The following ELOVL2 variants were observed in gnomAD, a reference collection of about 807,000 sequenced individuals.
The protein encoded by ELOVL2 is ELOVL fatty acid elongase 2, also known as very long chain fatty acid elongase 2.
A neutral mutation model predicts 37.7 loss-of-function variants in ELOVL2; 38 were observed. The ratio of observed to expected loss-of-function variants is 1.01; its 90% CI spans 0.78 to 1.32. The LOEUF is 1.32. Ranked by LOEUF, ELOVL2 falls within the 40% of genes most tolerant of loss-of-function variation. The pLI is 0.00. For missense variants in ELOVL2, 352 were observed against 363.6 expected, an observed-to-expected ratio of 0.97 and a Z score of 0.26; for synonymous variants, 115 against 122.3, an observed-to-expected ratio of 0.94 and a Z score of 0.40.
intron 1 of ELOVL2, among the ~76,000 whole-genome samples, chr6:11,013,168 G>GA (rs1195054451): frequency 2.6e-5 from 4 of 152,220 alleles, no homozygotes; most frequent in African/African-American, 9.6e-5. Flanking sequence ...ATCTGACAGA[G>GA]AGAACCACAG....
rs1782563862 is a variant in ELOVL2, at chr6:11,010,900, CAG to C, written c.4-93_4-92del. The C allele has an allele frequency of 4.1e-6, 4 of 983,878 alleles. No homozygotes were observed. The African/African-American group carries it at 6.6e-5, about 16-fold the overall frequency. The allele number at this position is 983,878 out of a possible 1,614,324, so 60.9% of individuals were successfully genotyped here. ...GCCACTACCAACAACATGTAACTGA[CAG>C]ACTTTCAAAGGGTCCCAGCTTCAAG... On this transcript the variant is annotated intron_variant, in intron 1 of 7. Coordinates refer to ENST00000354666, the MANE Select transcript of ELOVL2 (RefSeq NM_017770.4).
intron 1 of ELOVL2, among the ~76,000 whole-genome samples, chr6:11,033,235 T>C (rs3778167): frequency 0.55 from 83,022 of 151,992 alleles, 23,885 homozygotes; most frequent in East Asian, 0.91. Context: ...AGGCAATTTT[T>C]ACTATTTCCA....
intron 5 of ELOVL2, among the ~76,000 whole-genome samples, chr6:10,992,800 CAAAAA>C (rs1554110938): frequency 1.8e-5 from 2 of 111,124 alleles, no homozygotes; most frequent in Non-Finnish European, 3.5e-5. Flanking sequence ...AAAAACAAAA[CAAAAA>C]AAAACAAAAA....
At chr6:11,031,910 C>CT (rs1191482225) in intron 1 of ELOVL2, among the ~76,000 whole-genome samples, 2 of 152,124 alleles carry the variant, frequency 1.3e-5, no homozygotes, top group Non-Finnish European at 2.9e-5. Flanking sequence ...TCAAACAGTC[C>CT]TTTCCACACT....
chr6:10,998,099 C>T (rs1365575266), intron 4 of ELOVL2, among the ~76,000 whole-genome samples: 1 of 152,062 alleles, frequency 6.6e-6, no homozygotes, highest in East Asian at 1.9e-4. Flanking sequence ...GCCTTGCTCC[C>T]TCTCTTGCCA....
At chr6:11,043,404 A>AACACACACACACAC (rs34656289) in intron 1 of ELOVL2, 2,537 of 114,928 alleles carry the variant, frequency 0.022, 177 homozygotes, top group South Asian at 0.058. Flanking sequence ...GACACGGGTG[A>AACACACACACACAC]ACACACACAC....
intron 2 of ELOVL2, among the ~76,000 whole-genome samples, chr6:11,007,790 G>A (rs574025741): frequency 6.6e-6 from 1 of 152,228 alleles, no homozygotes; most frequent in Admixed American, 6.5e-5. Context: ...TCATACCCAC[G>A]TAGTGCTGAG....
At chr6:11,017,543 G>A (rs1782703562) in intron 1 of ELOVL2, among the ~76,000 whole-genome samples, 1 of 152,174 alleles carries the variant, frequency 6.6e-6, no homozygotes, top group Non-Finnish European at 1.5e-5. Context: ...GTGATAAAAG[G>A]ACTTTACAAA....
rs552743756 is a variant in ELOVL2 at position 11,019,321 on chromosome 6, T to A, written c.4-8512A>T. On this transcript the variant is annotated intron_variant, in intron 1 of 7. Coordinates refer to ENST00000354666, the MANE Select transcript of ELOVL2 (RefSeq NM_017770.4). ...AATATAGACATTTTTTCCCTCCAGG[T>A]TTAGTATATTTTAAAATTTTGGCAC... Among the ~76,000 whole-genome samples, 8 of 152,290 alleles carry A rather than the reference T, an allele frequency of 5.3e-5. No homozygotes were observed. The South Asian group carries it at 1.2e-3, about 24-fold the overall frequency.
chr6:11,042,542 A>G (rs75551127), intron 1 of ELOVL2, among the ~76,000 whole-genome samples: 2,625 of 152,020 alleles, frequency 0.017, 63 homozygotes, highest in African/African-American at 0.059. Context: ...CTTACTCACT[A>G]CAATTCCTAC....
chr6:11,028,532 AAAATT>A (rs1343102714), intron 1 of ELOVL2, among the ~76,000 whole-genome samples: 2 of 152,190 alleles, frequency 1.3e-5, no homozygotes, highest in African/African-American at 4.8e-5. Context: ...TATAAAGAAA[AAAATT>A]AAATTATCTC....
rs1182702657 is a variant in ELOVL2, at chr6:11,009,510, A to G, written c.67+1236T>C. Among the ~76,000 whole-genome samples, 4 of 152,170 alleles carry G rather than the reference A, an allele frequency of 2.6e-5. 1 individual carries two copies. The highest frequency in any genetic ancestry group is 4.1e-4 in the South Asian group (2 of 4,832). ...AAGGGGGGACTACTGTACCTTAGAG[A>G]GGCAAAGCCCAACTGAAAAGGCAAC... On this transcript the variant is annotated intron_variant, in intron 2 of 7. Coordinates refer to ENST00000354666, the MANE Select transcript of ELOVL2 (RefSeq NM_017770.4).
At chr6:11,037,222 G>C (rs1471591270) in intron 1 of ELOVL2, among the ~76,000 whole-genome samples, 5 of 146,428 alleles carry the variant, frequency 3.4e-5, no homozygotes, top group African/African-American at 7.5e-5. Context: ...AGAGGCAGAG[G>C]AGGAGAGAGA....
intron 5 of ELOVL2, among the ~76,000 whole-genome samples, chr6:10,992,163 A>ATTCTT (rs1485483470): frequency 6.6e-6 from 1 of 152,212 alleles, no homozygotes; most frequent in Non-Finnish European, 1.5e-5. Flanking sequence ...ACAGAGATCA[A>ATTCTT]TTCTTTCTTT....
chr6:11,005,599 T>G, intron 2 of ELOVL2, 40 bp from the exon 3 acceptor site: 1 of 1,552,096 alleles, frequency 6.4e-7, no homozygotes, highest in Non-Finnish European at 8.8e-7. Flanking sequence ...TGAGGAATGA[T>G]GCTCCTGTTT....
chr6:11,000,228 A>G (rs916272360), intron 3 of ELOVL2, 64 bp from the exon 4 acceptor site: 7 of 1,456,182 alleles, frequency 4.8e-6, no homozygotes, highest in Non-Finnish European at 6.7e-6. Context: ...TACAGACTGA[A>G]TTTCCCATTC....
chr6:11,013,158 A>AT (rs1782612258), intron 1 of ELOVL2, among the ~76,000 whole-genome samples: 1 of 152,218 alleles, frequency 6.6e-6, no homozygotes, highest in South Asian at 2.1e-4. Context: ...CTAGTGACCT[A>AT]TCTGACAGAG....
At chr6:11,001,702 G>A (rs1032663386) in intron 3 of ELOVL2, among the ~76,000 whole-genome samples, 5 of 152,128 alleles carry the variant, frequency 3.3e-5, no homozygotes, top group African/African-American at 9.7e-5. Context: ...CCATTCCTGT[G>A]GCATCTGTGC....
chr6:11,000,464 T>G (rs1419943144), intron 3 of ELOVL2, among the ~76,000 whole-genome samples: 1 of 152,222 alleles, frequency 6.6e-6, no homozygotes, highest in Non-Finnish European at 1.5e-5. Flanking sequence ...AATTACCTAG[T>G]CATGTTTCTA....
Sources: allele counts gnomAD v4.1 joint callset (sites outside exome capture counted in the v4.1 genomes callset), GRCh38; gene constraint gnomAD v4.1.1; transcripts MANE v1.5; gene names NCBI Gene and HGNC (gene_info 2026-07-23, HGNC 2026-07-21).